TRAF7: variants seen among roughly 807,000 people sequenced by gnomAD.
The protein encoded by TRAF7 is TNF receptor associated factor 7.
Under a neutral mutation model 89.3 loss-of-function variants are expected in TRAF7, and 45 were observed. The observed-to-expected ratio is 0.50, with a 90% CI of 0.40 to 0.65. The LOEUF (loss-of-function observed/expected upper bound fraction) is 0.65. Among genes scored for constraint, TRAF7 ranks in the 30% least tolerant of loss-of-function variants. The pLI is 0.00. For missense variants in TRAF7, 677 were observed against 918.1 expected (o/e 0.74, Z 3.39); for synonymous variants, 406 against 369.2 (o/e 1.10, Z -1.14).
chr16:2,167,275 C>A (rs886900997), intron 3 of TRAF7, among the ~76,000 whole-genome samples: 1 of 152,158 alleles, frequency 6.6e-6, no homozygotes, highest in African/African-American at 2.4e-5. Context: ...CCTCACCTGG[C>A]CCCTCATGAC....
chr16:2,174,963 A>G, intron 14 of TRAF7, 148 bp from the exon 15 acceptor site: 1 of 977,226 alleles, frequency 1.0e-6, no homozygotes, highest in Non-Finnish European at 1.6e-6. Context: ...ACTGGAAAAT[A>G]GGCTGACGCT....
Position 2,171,369 on chromosome 16 carries a change from C to T in TRAF7, c.441+13C>T, listed in dbSNP as rs1473650832. On this transcript the variant is annotated intron_variant, in intron 6 of 20. Transcript: ENST00000326181. ...CACCACGTGTGGGGTGAGCCCGCCG[C>T]CCTTCCCAGCCCCCCTGCTGCCAGA... 6.5e-7 allele frequency: 1 copy of T among 1,545,808 alleles called. No homozygotes were observed. The highest frequency in any genetic ancestry group is 1.4e-5 in the African/African-American group (1 of 73,068).
chr16:2,163,686 C>A lies in TRAF7; in HGVS notation c.-38-197C>A. On this transcript the variant is annotated intron_variant, in intron 1 of 20. Coordinates refer to ENST00000326181, the MANE Select transcript of TRAF7 (RefSeq NM_032271.3). The surrounding 1 kb of genome is among the most constrained non-coding windows in gnomAD (Gnocchi z 4.3). Reference sequence around the variant, plus strand: ...GGTGACGCAGAGCCGCCTGCCTGCCCGGGCCTCTGCATACCTGGGATCGGG... The same window carrying A: ...GGTGACGCAGAGCCGCCTGCCTGCCAGGGCCTCTGCATACCTGGGATCGGG... 3 of 572,176 alleles carry A rather than the reference C, an allele frequency of 5.2e-6. No individual in the cohort carries two copies. Among genetic ancestry groups the A allele is most frequent in the Admixed American group, 3.0e-5 (1 of 33,082 alleles). The allele number at this position is 572,176 out of a possible 1,614,324, so 35.4% of individuals were successfully genotyped here. A position where few individuals can be genotyped will look rare whatever the true frequency, so the allele number is the denominator to read the frequency against.
chr16:2,167,232 G>A (rs891006655), intron 3 of TRAF7, among the ~76,000 whole-genome samples: 2 of 152,190 alleles, frequency 1.3e-5, no homozygotes, highest in African/African-American at 4.8e-5. Context: ...CGGCAGGGAT[G>A]GGCAGAGCCA....
intron 1 of TRAF7, among the ~76,000 whole-genome samples, 163 bp downstream of exon 1, chr16:2,156,021 G>A (rs1037440743): frequency 1.3e-5 from 2 of 151,630 alleles, no homozygotes; most frequent in Non-Finnish European, 3.0e-5. Context: ...TCGGGGTCAG[G>A]GTCGGGGTCC....
chr16:2,164,278 T>C (rs2093072353), intron 2 of TRAF7, among the ~76,000 whole-genome samples: 1 of 148,198 alleles, frequency 6.7e-6, no homozygotes, highest in East Asian at 2.0e-4. Flanking sequence ...CCTGGTCGCA[T>C]GGTTAAGCGT....
intron 1 of TRAF7, among the ~76,000 whole-genome samples, chr16:2,160,041 G>A (rs938365142): frequency 1.3e-5 from 2 of 152,238 alleles, no homozygotes; most frequent in Non-Finnish European, 2.9e-5. Context: ...GCTAGGGAGG[G>A]GCTCCTGAGG....
intron 4 of TRAF7, 39 bp from the exon 5 acceptor site, chr16:2,170,575 G>T: frequency 6.5e-7 from 1 of 1,534,026 alleles, no homozygotes; most frequent in Non-Finnish European, 9.0e-7. Flanking sequence ...CTCTGACCCC[G>T]TGCGGAGCCC....
At chr16:2,175,214 C>T in intron 15 of TRAF7, 64 bp downstream of exon 15, 2 of 1,612,616 alleles carry the variant, frequency 1.2e-6, no homozygotes, top group Admixed American at 1.7e-5. Context: ...CTGTAGGTGC[C>T]CCAGGGACGT....
At chr16:2,174,489 A>C (rs1596679168) in intron 14 of TRAF7, among the ~76,000 whole-genome samples, 156 bp downstream of exon 14, 1 of 152,182 alleles carries the variant, frequency 6.6e-6, no homozygotes, top group Non-Finnish European at 1.5e-5. Context: ...TTTCCTGGGT[A>C]GCAGTGTGTG....
chr16:2,173,857 G>GCGGGCCCCCCC, intron 12 of TRAF7, 21 bp downstream of exon 12: 1 of 1,607,504 alleles, frequency 6.2e-7, no homozygotes, highest in Non-Finnish European at 8.5e-7. Flanking sequence ...ACCCGCCGTG[G>GCGGGCCCCCCC]CTCCCGCCCA....
chr16:2,176,554 C>T lies in TRAF7; in HGVS notation c.1999-6C>T, dbSNP rs1230705749. ...ACATCCTGGTGAAGCAGCCCTTTCT[C>T]TGCAGGTTTGGACTTGCTAACAGGA... On this transcript the variant is annotated splice_region_variant and splice_polypyrimidine_tract_variant and intron_variant, in intron 20 of 20. Coordinates refer to ENST00000326181, the MANE Select transcript of TRAF7 (RefSeq NM_032271.3). 1 of 1,613,450 alleles carries T rather than the reference C, an allele frequency of 6.2e-7. No homozygotes were observed. The highest frequency in any genetic ancestry group is 8.5e-7 in the Non-Finnish European group (1 of 1,180,002).
At chr16:2,171,197 G>C in intron 5 of TRAF7, 67 bp from the exon 6 acceptor site, 2 of 1,352,092 alleles carry the variant, frequency 1.5e-6, no homozygotes, top group Non-Finnish European at 2.0e-6. Flanking sequence ...GAGCGCCTGG[G>C]TGCCTGGGTG....
intron 14 of TRAF7, 125 bp from the exon 15 acceptor site, chr16:2,174,986 A>AGTGGCC: frequency 8.6e-7 from 1 of 1,161,098 alleles, no homozygotes; most frequent in South Asian, 1.3e-5. Flanking sequence ...AGGACACAGC[A>AGTGGCC]GTGGCCTTGG....
intron 12 of TRAF7, 23 bp downstream of exon 12, chr16:2,173,859 T>TGGGCGCCGCCCCCCC: frequency 8.0e-7 from 1 of 1,246,256 alleles, no homozygotes; most frequent in Non-Finnish European, 1.1e-6. Flanking sequence ...CCGCCGTGGC[T>TGGGCGCCGCCCCCCC]CCCGCCCACC....
Position 2,163,989 on chromosome 16 carries a change from C to A in TRAF7, c.69C>A (p.Asp23Glu). 6.2e-7 allele frequency: 1 copy of A among 1,609,416 alleles called. No individual in the cohort carries two copies. The highest frequency in any genetic ancestry group is 2.2e-5 in the East Asian group (1 of 44,814). ...SGGPSNLPTP[D>E]VTTGTRMETT... ...GGCCCAGCAATCTTCCCACCCCAGA[C>A]GTCACCACAGGGGTAAGGGTGTGCC... The change falls in exon 2 of 21, where the codon GAC becomes GAA. Residue 23 changes from aspartate to glutamate, a missense_variant. Around this residue, in one of 6 missense-constraint regions of TRAF7, gnomAD observed 240 missense variants for 191.9 expected, o/e 1.25. Coordinates refer to ENST00000326181, the MANE Select transcript of TRAF7 (RefSeq NM_032271.3). This position sits in a 1 kb window ranked among gnomAD's most constrained non-coding sequence, Gnocchi z 4.3.
At chr16:2,167,218 TCGG>T (rs979909272) in intron 3 of TRAF7, among the ~76,000 whole-genome samples, 2 of 152,070 alleles carry the variant, frequency 1.3e-5, no homozygotes, top group East Asian at 1.9e-4. Context: ...GCCTGGCCCC[TCGG>T]CGGCAGGGAT....
intron 20 of TRAF7, 68 bp downstream of exon 20, chr16:2,176,452 C>T (rs1567254408): frequency 5.6e-6 from 9 of 1,612,650 alleles, no homozygotes; most frequent in Non-Finnish European, 6.8e-6. Flanking sequence ...GGACGAGGAG[C>T]TGGCAGCCCC....
rs1053254110 is a variant in TRAF7, at chr16:2,158,644, G to C, written c.-39+2786G>C. On this transcript the variant is annotated intron_variant, in intron 1 of 20. Transcript: ENST00000326181. This position sits in a 1 kb window ranked among gnomAD's most constrained non-coding sequence, Gnocchi z 4.7. ...ATTCCTGTTGCCTCTTCGGGCCCATGTATGGCCAGTGTTTATGTCAGCTCC... is the reference window on the plus strand; with the variant it reads ...ATTCCTGTTGCCTCTTCGGGCCCATCTATGGCCAGTGTTTATGTCAGCTCC... Among the ~76,000 whole-genome samples, 2 of 152,126 alleles carry C rather than the reference G, an allele frequency of 1.3e-5. No individual in the cohort carries two copies. Among genetic ancestry groups the C allele is most frequent in the Non-Finnish European group, 2.9e-5 (2 of 68,018 alleles).
Sources: allele counts gnomAD v4.1 joint callset (sites outside exome capture counted in the v4.1 genomes callset), GRCh38; gene constraint gnomAD v4.1.1; regional missense constraint gnomAD v4.1.1; non-coding constraint Gnocchi (gnomAD v3.1); transcripts MANE v1.5; gene names NCBI Gene and HGNC (gene_info 2026-07-23, HGNC 2026-07-21).